The following CORIN variants were observed in gnomAD, a reference collection of about 807,000 sequenced individuals.
CORIN encodes corin, serine peptidase.
CORIN carries 117 observed loss-of-function variants against 125.3 expected under a neutral mutation model. The observed-to-expected ratio is 0.93, with a 90% CI of 0.80 to 1.09. CORIN has a LOEUF of 1.09. CORIN is among the 50% of genes least tolerant of loss of function. CORIN has a pLI of 0.00. For missense variants in CORIN, 1,253 were observed against 1,306.7 expected, an observed-to-expected ratio of 0.96 and a Z score of 0.63; for synonymous variants, 450 against 466.4, an observed-to-expected ratio of 0.96 and a Z score of 0.45.
intron 16 of CORIN, among the ~76,000 whole-genome samples, chr4:47,627,229 C>T (rs1722616361): frequency 6.6e-6 from 1 of 152,116 alleles, no homozygotes; most frequent in African/African-American, 2.4e-5. Context: ...GTGGTCTGCC[C>T]ACCTCAGCAT....
rs1288305406 is a variant in CORIN at position 47,623,585 on chromosome 4, G to A, written c.2526C>T (p.Ala842=). The A allele has an allele frequency of 6.2e-7, 1 of 1,614,062 alleles. No individual in the cohort carries two copies. Among genetic ancestry groups the A allele is most frequent in the East Asian group, 2.2e-5 (1 of 44,878 alleles). The change falls in exon 19 of 22, where the codon GCC becomes GCT. Residue 842 remains alanine (A), a synonymous_variant. Transcript: ENST00000273857. ...GTGCAGCTTACCCCTCGAAGCAGTGGGCAACTGTCAGAACCCACTTCTTGG... is the reference window on the plus strand; with the variant it reads ...GTGCAGCTTACCCCTCGAAGCAGTGAGCAACTGTCAGAACCCACTTCTTGG... ...LIAKKWVLTV[A]HCFEGRENAA...
chr4:47,751,308 T>A (rs561572609), intron 4 of CORIN, among the ~76,000 whole-genome samples: 61 of 152,190 alleles, frequency 4.0e-4, no homozygotes, highest in Non-Finnish European at 6.8e-4. Context: ...TTTGACTGCA[T>A]ATACATTATG....
chr4:47,804,468 A>G (rs1443279265), intron 2 of CORIN, among the ~76,000 whole-genome samples: 2 of 152,174 alleles, frequency 1.3e-5, no homozygotes, highest in East Asian at 3.8e-4. Flanking sequence ...ATGTCCATCA[A>G]CAGATGATTG....
At chr4:47,835,193 T>TA (rs1437792785) in intron 1 of CORIN, among the ~76,000 whole-genome samples, 1 of 152,192 alleles carries the variant, frequency 6.6e-6, no homozygotes, top group Non-Finnish European at 1.5e-5. Flanking sequence ...GTGAACCTAG[T>TA]ATGTTTAGCC....
At chr4:47,596,492 T>C (rs1480431346) in intron 21 of CORIN, among the ~76,000 whole-genome samples, 1 of 152,222 alleles carries the variant, frequency 6.6e-6, no homozygotes, top group Non-Finnish European at 1.5e-5. Context: ...GAATCATTAA[T>C]AGCCTGTATT....
intron 3 of CORIN, among the ~76,000 whole-genome samples, chr4:47,782,605 A>C (rs1015034349): frequency 3.3e-5 from 5 of 152,212 alleles, no homozygotes; most frequent in African/African-American, 1.2e-4. Flanking sequence ...TATTCACAGA[A>C]GCATTATTGA....
intron 13 of CORIN, among the ~76,000 whole-genome samples, chr4:47,650,511 T>G (rs749730291): frequency 2.0e-5 from 3 of 152,112 alleles, no homozygotes; most frequent in Non-Finnish European, 2.9e-5. Context: ...AGAGATAACC[T>G]CAGCCTCACA....
intron 5 of CORIN, among the ~76,000 whole-genome samples, chr4:47,736,260 G>A (rs1221100976): frequency 6.6e-6 from 1 of 152,156 alleles, no homozygotes; most frequent in African/African-American, 2.4e-5. Context: ...TCCTAATTTA[G>A]CAGCAGACCT....
At chr4:47,669,805 G>A (rs1577805925) in intron 10 of CORIN, among the ~76,000 whole-genome samples, 2 of 152,192 alleles carry the variant, frequency 1.3e-5, no homozygotes, top group East Asian at 3.9e-4. Context: ...TCCTGACCTT[G>A]TGATCTGCCC....
At chr4:47,677,823 C>A in intron 9 of CORIN, 115 bp downstream of exon 9, 2 of 728,044 alleles carry the variant, frequency 2.7e-6, no homozygotes, top group Non-Finnish European at 4.9e-6. Context: ...CTATGTTAGG[C>A]AATCTGGGAT....
At chr4:47,771,358 G>T (rs1469789104) in intron 3 of CORIN, among the ~76,000 whole-genome samples, 1 of 152,150 alleles carries the variant, frequency 6.6e-6, no homozygotes, top group Non-Finnish European at 1.5e-5. Context: ...GTGTACTTAG[G>T]AAGATCTGTA....
intron 3 of CORIN, among the ~76,000 whole-genome samples, chr4:47,772,843 C>T (rs1423423357): frequency 2.0e-5 from 3 of 152,164 alleles, no homozygotes; most frequent in East Asian, 1.9e-4. Context: ...GATTTGTATC[C>T]ATGTTACATA....
chr4:47,608,497 C>T (rs1337736777), intron 19 of CORIN, among the ~76,000 whole-genome samples: 1 of 152,184 alleles, frequency 6.6e-6, no homozygotes, highest in East Asian at 1.9e-4. Flanking sequence ...AGGAAGGAAG[C>T]AGGCCAAGGT....
At position 47,772,076 on chromosome 4, in the gene CORIN, C is replaced by CATAGATAGATAGATAG. The variant is rs57915863; in HGVS notation, c.410-8506_410-8491dup. Among the ~76,000 whole-genome samples the CATAGATAGATAGATAG allele has an allele frequency of 3.1e-3, 466 of 149,122 alleles. 4 individuals carry two copies. Among genetic ancestry groups the CATAGATAGATAGATAG allele is most frequent in the East Asian group, 4.2e-3 (21 of 5,050 alleles). Reference sequence around the variant, plus strand: ...TGCCAAGCTTCAAGCTTTCACATTACATAGATAGATAGATAGATAGATAGA... The same window carrying CATAGATAGATAGATAG: ...TGCCAAGCTTCAAGCTTTCACATTACATAGATAGATAGATAGATAGATAGATAGATAGATAGATAGA... On this transcript the variant is annotated intron_variant, in intron 3 of 21. Coordinates refer to ENST00000273857, the MANE Select transcript of CORIN (RefSeq NM_006587.4).
chr4:47,645,287 T>C, intron 13 of CORIN, 93 bp from the exon 14 acceptor site: 1 of 791,388 alleles, frequency 1.3e-6, no homozygotes, highest in Non-Finnish European at 2.1e-6. Context: ...TATAAAGGCA[T>C]GATGTTGGCA....
rs1459661514 is a variant in CORIN at position 47,763,452 on chromosome 4, T to G, written c.544A>C (p.Ser182Arg). 3 of 1,614,160 alleles carry G rather than the reference T, an allele frequency of 1.9e-6. No individual in the cohort carries two copies. The South Asian group carries it at 3.3e-5, about 18-fold the overall frequency. The change falls in exon 4 of 22, where the codon AGT becomes CGT. Residue 182 changes from serine to arginine, a missense_variant. Ser to Arg is a moderately radical substitution (Grantham distance 110). Coordinates refer to ENST00000273857, the MANE Select transcript of CORIN (RefSeq NM_006587.4). ...AACAGCATGATATGTTGATAGCAAC[T>G]GAGGCGATGGAGATATGTGAAAAAC... ...LKFFTYLHRL[S>R]CYQHIMLFGC...
intron 16 of CORIN, among the ~76,000 whole-genome samples, chr4:47,626,888 A>G (rs28660121): frequency 0.018 from 2,742 of 152,342 alleles, 89 homozygotes; most frequent in African/African-American, 0.062. Context: ...AAAATAAACA[A>G]CACATAAAGA....
chr4:47,837,064 TCTC>T (rs1195866580), intron 1 of CORIN, among the ~76,000 whole-genome samples: 11 of 152,144 alleles, frequency 7.2e-5, no homozygotes, highest in Non-Finnish European at 1.0e-4. Context: ...TCCCTTTCTT[TCTC>T]CTCCTGAACG....
chr4:47,713,401 T>C (rs1726938518), intron 5 of CORIN, among the ~76,000 whole-genome samples: 1 of 152,210 alleles, frequency 6.6e-6, no homozygotes, highest in Non-Finnish European at 1.5e-5. Context: ...AGGGAAACAT[T>C]CAAACAACTG....
Sources: allele counts gnomAD v4.1 joint callset (sites outside exome capture counted in the v4.1 genomes callset), GRCh38; gene constraint gnomAD v4.1.1; transcripts MANE v1.5; gene names NCBI Gene and HGNC (gene_info 2026-07-23, HGNC 2026-07-21).